Variants in ZDHHC3 observed in about 807,000 individuals in gnomAD.
The protein encoded by ZDHHC3 is zDHHC palmitoyltransferase 3, also known as palmitoyltransferase ZDHHC3.
A neutral mutation model predicts 30.6 loss-of-function variants in ZDHHC3; 9 were observed. That is an observed-to-expected ratio of 0.29 (90% CI 0.18 to 0.51). The LOEUF is 0.51. ZDHHC3 is among the 20% of genes least tolerant of loss of function. The pLI is 0.97. For synonymous variants in ZDHHC3, 136 were observed against 140.2 expected (o/e 0.97, Z 0.21); for missense variants, 246 against 384.2 (o/e 0.64, Z 3.01).
rs3082695 is a variant in ZDHHC3 at position 44,921,360 on chromosome 3, CAT to C, written c.*5327_*5328del. On this transcript the variant is annotated 3_prime_UTR_variant, in exon 7 of 7. Coordinates refer to ENST00000424952, the MANE Select transcript of ZDHHC3 (RefSeq NM_001135179.2). Reference sequence around the variant, plus strand: ...AGCAGCCTATGCAAATGTGTCTCTTCATAGCGGGCCAGATAACACTGTCTCTC... The same window carrying C: ...AGCAGCCTATGCAAATGTGTCTCTTCAGCGGGCCAGATAACACTGTCTCTC... 219,277 of 985,142 alleles carry C rather than the reference CAT, an allele frequency of 0.22. 27,297 individuals are homozygous for C. Among genetic ancestry groups the C allele is most frequent in the East Asian group, 0.77 (6,720 of 8,774 alleles). The allele number at this position is 985,142 out of a possible 1,614,324, so 61.0% of individuals were successfully genotyped here.
chr3:44,963,294 G>A (rs77450516), intron 1 of ZDHHC3, among the ~76,000 whole-genome samples: 3,758 of 152,228 alleles, frequency 0.025, 159 homozygotes, highest in African/African-American at 0.083. Flanking sequence ...CCAAGCCAAA[G>A]GTGTACCTGG....
At position 44,919,993 on chromosome 3, in the gene ZDHHC3, G is replaced by T. The variant is rs780006202; in HGVS notation, c.*6696C>A. 1.6e-4 allele frequency: 182 copies of T among 1,147,012 alleles called. No homozygotes were observed. The highest frequency in any genetic ancestry group is 1.2e-3 in the Middle Eastern group (3 of 2,470). The allele number at this position is 1,147,012 out of a possible 1,614,324, so 71.1% of individuals were successfully genotyped here. A position where few individuals can be genotyped will look rare whatever the true frequency, so the allele number is the denominator to read the frequency against. On this transcript the variant is annotated 3_prime_UTR_variant, in exon 7 of 7. Transcript: ENST00000424952. Reference sequence around the variant, plus strand: ...TAACACTATGCAGCTAGAAAAGATGGTTTAATATGGTTTTACATGACATTA... The same window carrying T: ...TAACACTATGCAGCTAGAAAAGATGTTTTAATATGGTTTTACATGACATTA...
chr3:44,967,312 G>T (rs1000636200), intron 1 of ZDHHC3, among the ~76,000 whole-genome samples: 2 of 152,176 alleles, frequency 1.3e-5, no homozygotes, highest in African/African-American at 4.8e-5. Context: ...GAGGCTAACA[G>T]TTCCTCTACT....
chr3:44,932,897 A>G (rs1701621170), intron 5 of ZDHHC3: 4 of 1,614,020 alleles, frequency 2.5e-6, no homozygotes, highest in Non-Finnish European at 3.4e-6. Context: ...TGTCCAACTC[A>G]TGACTTTACC....
chr3:44,967,327 A>G (rs1705040474), intron 1 of ZDHHC3, among the ~76,000 whole-genome samples: 3 of 152,192 alleles, frequency 2.0e-5, no homozygotes, highest in African/African-American at 4.8e-5. Flanking sequence ...TCTACTTACT[A>G]TAACTATTTT....
rs1420421336 is a variant in ZDHHC3, at chr3:44,959,916, C to G, written c.-24-456G>C. ...ACCTAGAACTACAGGCACGCACCAC[C>G]ACACCTGGCTAATTTTTATATTTTT... On this transcript the variant is annotated intron_variant, in intron 1 of 6. Transcript: ENST00000424952. The surrounding 1 kb of genome is among the most constrained non-coding windows in gnomAD (Gnocchi z 4.3). 6.6e-6 allele frequency among the ~76,000 whole-genome samples: 1 copy of G among 151,898 alleles called. No homozygotes were observed. The highest frequency in any genetic ancestry group is 2.4e-5 in the African/African-American group (1 of 41,204).
chr3:44,939,547 C>G (rs1176156301), intron 3 of ZDHHC3, among the ~76,000 whole-genome samples: 1 of 152,222 alleles, frequency 6.6e-6, no homozygotes, highest in African/African-American at 2.4e-5. Context: ...CCTCCCTGCT[C>G]CTGGCTCCTG....
At chr3:44,956,489 T>G (rs1283340706) in intron 2 of ZDHHC3, among the ~76,000 whole-genome samples, 2 of 152,238 alleles carry the variant, frequency 1.3e-5, no homozygotes, top group Non-Finnish European at 2.9e-5. Flanking sequence ...AACTGCATTC[T>G]CAGGCCTGGC....
chr3:44,947,567 T>C (rs1377286720), intron 2 of ZDHHC3, among the ~76,000 whole-genome samples: 1 of 152,198 alleles, frequency 6.6e-6, no homozygotes, highest in Non-Finnish European at 1.5e-5. Context: ...CTGCCACAGA[T>C]AAAGTGCTCA....
chr3:44,974,256 T>C (rs1408009174), intron 1 of ZDHHC3, among the ~76,000 whole-genome samples: 1 of 152,064 alleles, frequency 6.6e-6, no homozygotes, highest in African/African-American at 2.4e-5. Context: ...TTCCCGTCAA[T>C]TGTGAGGGGG....
chr3:44,945,404 A>C (rs1000482612), intron 2 of ZDHHC3, 112 bp from the exon 3 acceptor site: 2 of 1,395,932 alleles, frequency 1.4e-6, no homozygotes, highest in Non-Finnish European at 2.0e-6. Flanking sequence ...CATGGACAGG[A>C]CACTTTGATA....
chr3:44,952,308 T>TCTCCC (rs1703533564), intron 2 of ZDHHC3, among the ~76,000 whole-genome samples: 1 of 151,944 alleles, frequency 6.6e-6, no homozygotes, highest in African/African-American at 2.4e-5. Flanking sequence ...AATCCCATGC[T>TCTCCC]CTCCCCTCCA....
chr3:44,924,348 A>C lies in ZDHHC3; in HGVS notation c.*2341T>G. ...GTGCTCTTGGCAAAATATCAGTCTG[A>C]ACAAAAATGAAATAGGAAAAATGCC... On this transcript the variant is annotated 3_prime_UTR_variant, in exon 7 of 7. Coordinates refer to ENST00000424952, the MANE Select transcript of ZDHHC3 (RefSeq NM_001135179.2). 1.0e-6 allele frequency: 1 copy of C among 985,442 alleles called. No individual in the cohort carries two copies. Among genetic ancestry groups the C allele is most frequent in the Non-Finnish European group, 1.2e-6 (1 of 829,940 alleles). 61.0% of individuals were successfully genotyped at this position (985,442 alleles called of 1,614,324 possible). A position where few individuals can be genotyped will look rare whatever the true frequency, so the allele number is the denominator to read the frequency against.
Position 44,924,590 on chromosome 3 carries a change from C to G in ZDHHC3, c.*2099G>C. On this transcript the variant is annotated 3_prime_UTR_variant, in exon 7 of 7. Transcript: ENST00000424952. ...AAAAAAAGTCAGTGCATCTTCAGCA[C>G]TATCTACTGCATTCCTGAGAAATGC... 1 of 985,418 alleles carries G rather than the reference C, an allele frequency of 1.0e-6. No individual in the cohort carries two copies. The highest frequency in any genetic ancestry group is 1.2e-6 in the Non-Finnish European group (1 of 829,934). 61.0% of individuals were successfully genotyped at this position (985,418 alleles called of 1,614,324 possible). A position where few individuals can be genotyped will look rare whatever the true frequency, so the allele number is the denominator to read the frequency against.
intron 3 of ZDHHC3, among the ~76,000 whole-genome samples, chr3:44,942,456 C>T (rs547910957): frequency 6.6e-6 from 1 of 152,316 alleles, no homozygotes; most frequent in Non-Finnish European, 1.5e-5. Context: ...TGTTTACTAG[C>T]ACACAAGAAT....
Position 44,923,938 on chromosome 3 carries a change from G to A in ZDHHC3, c.*2751C>T. On this transcript the variant is annotated 3_prime_UTR_variant, in exon 7 of 7. Coordinates refer to ENST00000424952, the MANE Select transcript of ZDHHC3 (RefSeq NM_001135179.2). ...CCCATGCAAATATGCATAGATTATAGATTTGCTTGGATCTAAGCCTTTTGC... is the reference window on the plus strand; with the variant it reads ...CCCATGCAAATATGCATAGATTATAAATTTGCTTGGATCTAAGCCTTTTGC... The A allele has an allele frequency of 1.0e-6, 1 of 985,454 alleles. No homozygotes were observed. Among genetic ancestry groups the A allele is most frequent in the Non-Finnish European group, 1.2e-6 (1 of 829,940 alleles). 61.0% of individuals were successfully genotyped at this position (985,454 alleles called of 1,614,324 possible).
rs751095211 is a variant in ZDHHC3 at position 44,959,427 on chromosome 3, T to A, written c.10A>T (p.Ile4Phe). The A allele has an allele frequency of 5.0e-6, 8 of 1,613,476 alleles. No individual in the cohort carries two copies. The Admixed American group carries it at 1.2e-4, about 24-fold the overall frequency. ...ATGTTTCGGAAGTGGTGGGTGGGGATAAGCATCATAAGCTATTCTGTCCAT... is the reference window on the plus strand; with the variant it reads ...ATGTTTCGGAAGTGGTGGGTGGGGAAAAGCATCATAAGCTATTCTGTCCAT... MML[I>F]PTHHFRNIER... Residue 4 changes from isoleucine (I) to phenylalanine (F), a missense_variant, in exon 2 of 7, where the codon ATC becomes TTC. Physicochemically the swap from Ile to Phe is conservative, Grantham distance 21. Coordinates refer to ENST00000424952, the MANE Select transcript of ZDHHC3 (RefSeq NM_001135179.2). The surrounding 1 kb of genome is among the most constrained non-coding windows in gnomAD (Gnocchi z 4.3).
intron 1 of ZDHHC3, among the ~76,000 whole-genome samples, chr3:44,970,085 A>G (rs1405325347): frequency 6.6e-6 from 1 of 152,234 alleles, no homozygotes; most frequent in East Asian, 1.9e-4. Context: ...GAGAAATCCG[A>G]AAGACTAGCT....
Position 44,939,831 on chromosome 3 carries a change from A to C in ZDHHC3, c.431+5337T>G, listed in dbSNP as rs550766615. On this transcript the variant is annotated intron_variant, in intron 3 of 6. Coordinates refer to ENST00000424952, the MANE Select transcript of ZDHHC3 (RefSeq NM_001135179.2). ...AAAAATAAACACCGCAGGGAGAGTG[A>C]GTACAGCCTGCTGAGGGCCACAAGT... is the stretch of plus-strand genomic sequence containing the variant. 6.6e-5 allele frequency among the ~76,000 whole-genome samples: 10 copies of C among 152,372 alleles called. No individual in the cohort carries two copies. In the East Asian group the frequency reaches 1.9e-3, roughly 29 times the overall value.
Sources: gnomAD v4.1 joint callset for allele counts (sites outside exome capture counted in the v4.1 genomes callset) on GRCh38, gnomAD v4.1.1 for gene constraint, Gnocchi (gnomAD v3.1) non-coding constraint, MANE v1.5 for transcripts, NCBI Gene and HGNC (gene_info 2026-07-23, HGNC 2026-07-21) for gene names.